The following PHF14 variants were observed in gnomAD, a reference collection of about 807,000 sequenced individuals.
PHF14 encodes PHD finger protein 14.
Under a neutral mutation model 117.9 loss-of-function variants are expected in PHF14, and 55 were observed. The observed-to-expected ratio is 0.47, with a 90% CI of 0.38 to 0.58. The LOEUF is 0.58. Among genes scored for constraint, PHF14 ranks in the 20% least tolerant of loss-of-function variants. The probability of loss-of-function intolerance (pLI) is 0.00; values close to 1 mark genes in which losing one functional copy is unlikely to be tolerated. For synonymous variants in PHF14, 409 were observed against 368.6 expected, an observed-to-expected ratio of 1.11 and a Z score of -1.26; for missense variants, 978 against 1,122.2, an observed-to-expected ratio of 0.87 and a Z score of 1.84.
At chr7:11,126,252 T>C (rs757750844) in intron 17 of PHF14, among the ~76,000 whole-genome samples, 7 of 152,134 alleles carry the variant, frequency 4.6e-5, no homozygotes, top group Non-Finnish European at 1.0e-4. Context: ...ATCATCTTAA[T>C]GACTCAATTT....
chr7:10,999,122 G>C (rs1562568332), intron 4 of PHF14, among the ~76,000 whole-genome samples: 1 of 152,162 alleles, frequency 6.6e-6, no homozygotes, highest in Non-Finnish European at 1.5e-5. Flanking sequence ...CAATCTTCTT[G>C]TTTCAGCTTC....
intron 16 of PHF14, among the ~76,000 whole-genome samples, chr7:11,098,483 T>C (rs938299830): frequency 1.9e-4 from 29 of 152,164 alleles, no homozygotes; most frequent in Non-Finnish European, 7.4e-5. Flanking sequence ...TTTTTATTGC[T>C]AGTGTATAAT....
At chr7:11,105,386 A>G in intron 16 of PHF14, 1 of 951,602 alleles carries the variant, frequency 1.1e-6, no homozygotes, top group Non-Finnish European at 1.3e-6. Context: ...CACTGGTTTT[A>G]AACAAAGTTA....
chr7:11,002,388 C>T (rs1162636060), intron 4 of PHF14, among the ~76,000 whole-genome samples: 1 of 151,882 alleles, frequency 6.6e-6, no homozygotes, highest in Non-Finnish European at 1.5e-5. Flanking sequence ...TGGTATAAGG[C>T]AAATATCAGG....
intron 16 of PHF14, chr7:11,106,820 GT>G (rs1449484001): frequency 1.1e-5 from 11 of 983,990 alleles, no homozygotes; most frequent in Non-Finnish European, 1.3e-5. Context: ...TGGATATTTA[GT>G]TTTTTTTAAG....
chr7:11,107,265 G>A lies in PHF14; in HGVS notation c.2655-4085G>A, dbSNP rs1168847215. ...TTGTTATATGGATCATAGCACATAT[G>A]AAGGTAAATCATTTTTTTCCCTCTT... On this transcript the variant is annotated intron_variant, in intron 16 of 17. Coordinates refer to ENST00000634607, the MANE Select transcript of PHF14 (RefSeq NM_001007157.2). The A allele has an allele frequency of 7.2e-6, 7 of 978,570 alleles. No homozygotes were observed. In the African/African-American group the frequency reaches 1.2e-4, roughly 17 times the overall value. 60.6% of individuals were successfully genotyped at this position (978,570 alleles called of 1,614,324 possible).
intron 17 of PHF14, among the ~76,000 whole-genome samples, chr7:11,129,718 T>G (rs1265891898): frequency 1.3e-5 from 2 of 151,966 alleles, no homozygotes; most frequent in Non-Finnish European, 2.9e-5. Context: ...CATACTTCAC[T>G]AGGTGCTTCA....
At chr7:11,109,808 C>G (rs916159752) in intron 16 of PHF14, 4 of 151,668 alleles carry the variant, frequency 2.6e-5, no homozygotes, top group African/African-American at 9.7e-5. Context: ...ACTGTTGGTC[C>G]TATTGGTCCT....
intron 16 of PHF14, chr7:11,105,969 G>T (rs112349754): frequency 0.026 from 25,635 of 984,626 alleles, 360 homozygotes; most frequent in Non-Finnish European, 0.029. Context: ...AGCTCAGCAG[G>T]TTGTACTGCT....
At chr7:11,169,366 T>C (rs376197216) in intron 17 of PHF14, 50 bp from the exon 18 acceptor site, 6 of 856,272 alleles carry the variant, frequency 7.0e-6, no homozygotes, top group South Asian at 1.8e-5. Context: ...GTATAGCTGA[T>C]AAATGCTCTA....
At chr7:11,022,180 G>A (rs920636956) in intron 5 of PHF14, among the ~76,000 whole-genome samples, 1 of 152,040 alleles carries the variant, frequency 6.6e-6, no homozygotes, top group Non-Finnish European at 1.5e-5. Context: ...AGCATTCTTT[G>A]TTTTAGTCTT....
intron 16 of PHF14, among the ~76,000 whole-genome samples, chr7:11,098,173 G>A (rs1425859718): frequency 6.6e-6 from 1 of 151,994 alleles, no homozygotes; most frequent in African/African-American, 2.4e-5. Flanking sequence ...CTTCTATTCA[G>A]ACATTTTGAT....
intron 4 of PHF14, among the ~76,000 whole-genome samples, chr7:11,000,300 A>G (rs1408483905): frequency 2.2e-5 from 3 of 136,058 alleles, no homozygotes; most frequent in African/African-American, 8.1e-5. Context: ...TTTCTGTTGT[A>G]TGATGTGGAG....
Position 11,121,039 on chromosome 7 carries a change from G to A in PHF14, c.2772+9572G>A, listed in dbSNP as rs201582151. Among the ~76,000 whole-genome samples the A allele has an allele frequency of 2.2e-4, 34 of 152,202 alleles. No individual in the cohort carries two copies. In the East Asian group the frequency reaches 2.9e-3, roughly 13 times the overall value. ...AAAGTAAATCCAGTAAAATGTAAACGTAACAAACCACTGAAGACAGTTGTA... is the reference window on the plus strand; with the variant it reads ...AAAGTAAATCCAGTAAAATGTAAACATAACAAACCACTGAAGACAGTTGTA... On this transcript the variant is annotated intron_variant, in intron 17 of 17. Coordinates refer to ENST00000634607, the MANE Select transcript of PHF14 (RefSeq NM_001007157.2).
chr7:11,047,544 C>T (rs778056617), intron 13 of PHF14, among the ~76,000 whole-genome samples: 4 of 150,820 alleles, frequency 2.7e-5, no homozygotes, highest in Non-Finnish European at 5.9e-5. Flanking sequence ...GTCTGTAATC[C>T]CAGCACTTTG....
At chr7:11,069,371 G>A (rs1031412771) in intron 16 of PHF14, among the ~76,000 whole-genome samples, 1 of 152,052 alleles carries the variant, frequency 6.6e-6, no homozygotes, top group Admixed American at 6.5e-5. Context: ...TACTGAGTCC[G>A]CATGGAGAAG....
At chr7:11,015,832 T>C (rs1394914166) in intron 5 of PHF14, among the ~76,000 whole-genome samples, 1 of 151,922 alleles carries the variant, frequency 6.6e-6, no homozygotes, top group Non-Finnish European at 1.5e-5. Flanking sequence ...TTTTTTTTTT[T>C]TTTTTTTGGT....
chr7:11,063,595 A>G, intron 16 of PHF14: 1 of 749,494 alleles, frequency 1.3e-6, no homozygotes, highest in Non-Finnish European at 1.6e-6. Flanking sequence ...TGTCTTACTA[A>G]TTTTTTTTTT....
intron 16 of PHF14, among the ~76,000 whole-genome samples, chr7:11,078,768 G>A (rs1033741529): frequency 2.6e-5 from 4 of 151,868 alleles, no homozygotes; most frequent in Non-Finnish European, 4.4e-5. Flanking sequence ...TAATTATAAC[G>A]CAGTCACTTT....
Sources: gnomAD v4.1 joint callset for allele counts (sites outside exome capture counted in the v4.1 genomes callset) on GRCh38, gnomAD v4.1.1 for gene constraint, MANE v1.5 for transcripts, NCBI Gene and HGNC (gene_info 2026-07-23, HGNC 2026-07-21) for gene names.